The following RNF216 variants were observed in gnomAD, a reference collection of about 807,000 sequenced individuals.
RNF216 encodes the protein E3 ubiquitin-protein ligase RNF216.
A neutral mutation model predicts 110.8 loss-of-function variants in RNF216; 72 were observed. The observed-to-expected ratio is 0.65, with a 90% CI of 0.54 to 0.79. The LOEUF (loss-of-function observed/expected upper bound fraction) is 0.79. Among genes scored for constraint, RNF216 ranks in the 30% least tolerant of loss-of-function variants. The pLI is 0.00. For missense variants in RNF216, 1,342 were observed against 1,141.2 expected (o/e 1.18, Z -2.54); for synonymous variants, 495 against 407.5 (o/e 1.21, Z -2.59).
At chr7:5,724,686 G>C (rs985120515) in intron 8 of RNF216, among the ~76,000 whole-genome samples, 1 of 152,144 alleles carries the variant, frequency 6.6e-6, no homozygotes, top group African/African-American at 2.4e-5. Flanking sequence ...TTTCCACTTA[G>C]TCATACCTGA....
chr7:5,738,598 C>T (rs1333846972), intron 5 of RNF216, among the ~76,000 whole-genome samples: 2 of 150,406 alleles, frequency 1.3e-5, no homozygotes, highest in East Asian at 3.9e-4. Context: ...GTCCCAGCTA[C>T]TCGGGAGGCT....
chr7:5,654,293 ACTAT>A (rs897545475), intron 13 of RNF216, among the ~76,000 whole-genome samples: 2 of 152,110 alleles, frequency 1.3e-5, no homozygotes, highest in Non-Finnish European at 2.9e-5. Flanking sequence ...CTATATGTGT[ACTAT>A]CTAATAAAAA....
intron 13 of RNF216, among the ~76,000 whole-genome samples, chr7:5,690,991 A>C (rs998690154): frequency 6.6e-6 from 1 of 152,192 alleles, no homozygotes; most frequent in African/African-American, 2.4e-5. Context: ...GAGAGGCTGA[A>C]GCTCCACCTC....
At chr7:5,740,881 T>C in intron 4 of RNF216, 92 bp downstream of exon 4, 2 of 1,291,358 alleles carry the variant, frequency 1.5e-6, no homozygotes, top group Non-Finnish European at 1.0e-6. Flanking sequence ...AGTCCACGCA[T>C]ACCAACAACT....
chr7:5,772,565 G>C (rs1203997840), intron 1 of RNF216, among the ~76,000 whole-genome samples: 3 of 152,150 alleles, frequency 2.0e-5, no homozygotes, highest in African/African-American at 7.2e-5. Flanking sequence ...GCCTTCCTGG[G>C]AGAAACCACT....
At chr7:5,745,181 G>C (rs922709758) in intron 3 of RNF216, among the ~76,000 whole-genome samples, 2 of 152,052 alleles carry the variant, frequency 1.3e-5, no homozygotes, top group Non-Finnish European at 2.9e-5. Flanking sequence ...CAACCAAGGG[G>C]AGTCTTTTCA....
At chr7:5,671,514 G>A (rs1415356928) in intron 13 of RNF216, among the ~76,000 whole-genome samples, 13 of 152,056 alleles carry the variant, frequency 8.5e-5, no homozygotes, top group Admixed American at 8.5e-4. Flanking sequence ...TTATAAGAAG[G>A]ACAGAGAGAG....
At chr7:5,721,268 T>C (rs1216479527) in intron 8 of RNF216, 96 bp from the exon 9 acceptor site, 4 of 1,071,876 alleles carry the variant, frequency 3.7e-6, no homozygotes, top group Non-Finnish European at 5.5e-6. Context: ...TCCTCCACCT[T>C]CTCTCTGATG....
At chr7:5,712,029 GCAC>G (rs1792734288) in intron 12 of RNF216, 190 bp from the exon 13 acceptor site, 2 of 583,440 alleles carry the variant, frequency 3.4e-6, no homozygotes, top group Admixed American at 3.1e-5. Context: ...GGAAACATAA[GCAC>G]CACATGAGGT....
chr7:5,701,804 C>T (rs1454845749), intron 13 of RNF216, among the ~76,000 whole-genome samples: 1 of 152,206 alleles, frequency 6.6e-6, no homozygotes, highest in Non-Finnish European at 1.5e-5. Context: ...GCACATCAAT[C>T]AACACTTCTC....
intron 13 of RNF216, among the ~76,000 whole-genome samples, chr7:5,689,443 C>T (rs1262123635): frequency 6.6e-6 from 1 of 150,726 alleles, no homozygotes; most frequent in Non-Finnish European, 1.5e-5. Flanking sequence ...CCTAGAAACC[C>T]ACATCCCTTC....
intron 1 of RNF216, among the ~76,000 whole-genome samples, chr7:5,780,640 G>C (rs1170139807): frequency 2.0e-5 from 3 of 152,046 alleles, no homozygotes; most frequent in Non-Finnish European, 2.9e-5. Flanking sequence ...GGGAGGCAGA[G>C]CTTGCAGTGA....
chr7:5,762,264 T>A (rs1294886494), intron 1 of RNF216, among the ~76,000 whole-genome samples: 2 of 152,160 alleles, frequency 1.3e-5, no homozygotes, highest in African/African-American at 2.4e-5. Flanking sequence ...GGCTCACACC[T>A]GTAATCCCAG....
intron 14 of RNF216, among the ~76,000 whole-genome samples, chr7:5,649,193 C>T (rs1445878943): frequency 6.6e-6 from 1 of 151,982 alleles, no homozygotes; most frequent in Non-Finnish European, 1.5e-5. Flanking sequence ...ACCAGCTTGG[C>T]CAACCACGGC....
intron 2 of RNF216, among the ~76,000 whole-genome samples, chr7:5,754,161 T>TGTGTGTGTGC (rs1554263566): frequency 2.2e-5 from 3 of 135,712 alleles, no homozygotes; most frequent in African/African-American, 8.0e-5. Context: ...TGTGTGTGTG[T>TGTGTGTGTGC]GCGCATTTGT....
At chr7:5,725,487 A>G (rs1414620870) in intron 7 of RNF216, 49 bp from the exon 8 acceptor site, 1 of 1,086,952 alleles carries the variant, frequency 9.2e-7, no homozygotes, top group African/African-American at 1.6e-5. Context: ...GAAAATAAGA[A>G]TACACGAGAC....
chr7:5,683,114 T>C (rs1790763540), intron 13 of RNF216, among the ~76,000 whole-genome samples: 1 of 152,046 alleles, frequency 6.6e-6, no homozygotes, highest in Non-Finnish European at 1.5e-5. Flanking sequence ...GCAATGATTA[T>C]AATTATATGG....
At chr7:5,701,015 G>A (rs1791931960) in intron 13 of RNF216, among the ~76,000 whole-genome samples, 1 of 152,078 alleles carries the variant, frequency 6.6e-6, no homozygotes, top group Non-Finnish European at 1.5e-5. Flanking sequence ...TAAACCTTCT[G>A]AGTAGGAGTA....
At position 5,680,122 on chromosome 7, in the gene RNF216, G is replaced by C. The variant is rs1383517016; in HGVS notation, c.2062-27612C>G. On this transcript the variant is annotated intron_variant, in intron 13 of 16. Coordinates refer to ENST00000389902, the MANE Select transcript of RNF216 (RefSeq NM_207111.4). This position sits in a 1 kb window ranked among gnomAD's most constrained non-coding sequence, Gnocchi z 4.3. ...AAGAAGTCCACGTTCTTCACACAAGGGACATCTCCCCCACGAGCTGGCCCT... is the reference window on the plus strand; with the variant it reads ...AAGAAGTCCACGTTCTTCACACAAGCGACATCTCCCCCACGAGCTGGCCCT... Among the ~76,000 whole-genome samples, 1 of 152,142 alleles carries C rather than the reference G, an allele frequency of 6.6e-6. No individual in the cohort carries two copies. Among genetic ancestry groups the C allele is most frequent in the Non-Finnish European group, 1.5e-5 (1 of 68,020 alleles).
Sources: gnomAD v4.1 joint callset for allele counts (sites outside exome capture counted in the v4.1 genomes callset) on GRCh38, gnomAD v4.1.1 for gene constraint, Gnocchi (gnomAD v3.1) non-coding constraint, MANE v1.5 for transcripts, NCBI Gene and HGNC (gene_info 2026-07-23, HGNC 2026-07-21) for gene names.